COL28A1: variants seen among roughly 807,000 people sequenced by gnomAD.
The protein encoded by COL28A1 is collagen alpha-1(XXVIII) chain.
Under a neutral mutation model 150.2 loss-of-function variants are expected in COL28A1, and 161 were observed. The ratio of observed to expected loss-of-function variants is 1.07; its 90% CI spans 0.94 to 1.22. The LOEUF (loss-of-function observed/expected upper bound fraction) is 1.22, where lower values mean the gene tolerates loss of function less well. Among genes scored for constraint, COL28A1 ranks in the 50% most tolerant of loss-of-function variants. The pLI is 0.00. For synonymous variants in COL28A1, 552 were observed against 469.7 expected, an observed-to-expected ratio of 1.18 and a Z score of -2.26; for missense variants, 1,617 against 1,388.3, an observed-to-expected ratio of 1.16 and a Z score of -2.62.
intron 16 of COL28A1, among the ~76,000 whole-genome samples, chr7:7,454,263 T>C (rs543191834): frequency 6.6e-6 from 1 of 152,254 alleles, no homozygotes; most frequent in South Asian, 2.1e-4. Flanking sequence ...GGGAAAACAT[T>C]CATTTTTATG....
At chr7:7,494,355 C>A (rs993519036) in intron 11 of COL28A1, among the ~76,000 whole-genome samples, 1 of 152,102 alleles carries the variant, frequency 6.6e-6, no homozygotes, top group Non-Finnish European at 1.5e-5. Context: ...CCACACCTAG[C>A]CCTTCATGCA....
intron 13 of COL28A1, among the ~76,000 whole-genome samples, chr7:7,485,248 T>G (rs1583481194): frequency 6.6e-6 from 1 of 152,164 alleles, no homozygotes; most frequent in African/African-American, 2.4e-5. Context: ...AAGTTGTGCA[T>G]GTGTGTGTAT....
At chr7:7,455,174 T>C (rs1028361936) in intron 16 of COL28A1, among the ~76,000 whole-genome samples, 4 of 152,172 alleles carry the variant, frequency 2.6e-5, no homozygotes, top group Non-Finnish European at 5.9e-5. Context: ...CTTTAAGCAA[T>C]AGAATAATTC....
At chr7:7,390,226 C>T (rs1007148158) in intron 27 of COL28A1, among the ~76,000 whole-genome samples, 2 of 152,078 alleles carry the variant, frequency 1.3e-5, no homozygotes, top group Non-Finnish European at 2.9e-5. Context: ...TGTCAAAGGC[C>T]TTTTCTGCAT....
intron 11 of COL28A1, among the ~76,000 whole-genome samples, chr7:7,501,836 A>T (rs1174980268): frequency 6.6e-6 from 1 of 152,160 alleles, no homozygotes; most frequent in Non-Finnish European, 1.5e-5. Context: ...TCTCAGGGAT[A>T]AGGCTTCTTG....
rs138705463 is a variant in COL28A1 at position 7,488,059 on chromosome 7, C to T, written c.1164+1330G>A. ...GCCATTTTAGCACTCCATCTGACTT[C>T]AAGTTATAAAGAACTCTCATGTCAA... On this transcript the variant is annotated intron_variant, in intron 13 of 34. Transcript: ENST00000399429. Among the ~76,000 whole-genome samples, 17 of 152,292 alleles carry T rather than the reference C, an allele frequency of 1.1e-4. No homozygotes were observed. In the East Asian group the frequency reaches 2.5e-3, roughly 22 times the overall value.
intron 34 of COL28A1, among the ~76,000 whole-genome samples, chr7:7,359,393 G>T (rs16877721): frequency 0.093 from 14,178 of 151,924 alleles, 2,254 homozygotes; most frequent in African/African-American, 0.33. Context: ...ACTTTCTAAC[G>T]TCATATTGTC....
At chr7:7,394,225 T>C (rs1245637894) in intron 27 of COL28A1, among the ~76,000 whole-genome samples, 1 of 152,056 alleles carries the variant, frequency 6.6e-6, no homozygotes, top group East Asian at 1.9e-4. Context: ...GGTGAGGCAA[T>C]GCCCCACCCT....
chr7:7,377,983 G>T (rs1240492376), intron 30 of COL28A1, among the ~76,000 whole-genome samples: 1 of 152,096 alleles, frequency 6.6e-6, no homozygotes, highest in Non-Finnish European at 1.5e-5. Context: ...CATACTCTGA[G>T]AGAGGCAGGA....
chr7:7,490,115 C>G (rs1005511712), intron 12 of COL28A1, among the ~76,000 whole-genome samples: 2 of 152,192 alleles, frequency 1.3e-5, no homozygotes, highest in African/African-American at 4.8e-5. Flanking sequence ...TACAGCCTCA[C>G]AGGATGGACG....
intron 21 of COL28A1, 118 bp from the exon 22 acceptor site, chr7:7,437,580 T>A: frequency 3.7e-6 from 5 of 1,364,798 alleles, no homozygotes; most frequent in Non-Finnish European, 4.7e-6. Context: ...CCTCTATCTG[T>A]TTCAAAGACC....
chr7:7,531,949 T>C, intron 2 of COL28A1, 45 bp from the exon 3 acceptor site: 2 of 1,226,502 alleles, frequency 1.6e-6, no homozygotes, highest in Non-Finnish European at 2.3e-6. Flanking sequence ...ATTCCTATCA[T>C]GAAACAAATT....
chr7:7,436,312 A>G, intron 23 of COL28A1, 83 bp downstream of exon 23: 1 of 830,994 alleles, frequency 1.2e-6, no homozygotes, highest in Non-Finnish European at 2.1e-6. Flanking sequence ...AAACCTCACA[A>G]GTAGAAAAAT....
In COL28A1 at chr7:7,510,016, T is replaced by C. The variant is rs571442900; in HGVS notation, c.927+1075A>G. Among the ~76,000 whole-genome samples the C allele has an allele frequency of 1.1e-4, 16 of 152,304 alleles. No individual in the cohort carries two copies. In the East Asian group the frequency reaches 3.1e-3, roughly 29 times the overall value. On this transcript the variant is annotated intron_variant, in intron 9 of 34. Coordinates refer to ENST00000399429, the MANE Select transcript of COL28A1 (RefSeq NM_001037763.3). ...GTTTAGTTTCATGGGCCAAAGTCAT[T>C]ATCTCACCCTCTTCTCCTAACCTTC...
chr7:7,437,651 C>T (rs1472825332), intron 21 of COL28A1, among the ~76,000 whole-genome samples, 189 bp from the exon 22 acceptor site: 1 of 152,176 alleles, frequency 6.6e-6, no homozygotes, highest in Non-Finnish European at 1.5e-5. Flanking sequence ...AGTAAGATTT[C>T]AGTGCTTTTA....
chr7:7,493,661 T>C (rs1014698098), intron 11 of COL28A1, among the ~76,000 whole-genome samples: 4 of 152,206 alleles, frequency 2.6e-5, no homozygotes, highest in Non-Finnish European at 5.9e-5. Flanking sequence ...TTTATTCCCT[T>C]CCCATTTCCC....
chr7:7,365,360 C>G (rs1780881021), intron 33 of COL28A1, among the ~76,000 whole-genome samples: 1 of 152,192 alleles, frequency 6.6e-6, no homozygotes, highest in South Asian at 2.1e-4. Flanking sequence ...CAGCTCTAAG[C>G]AGGGACACCA....
At chr7:7,431,412 C>T (rs575411459) in intron 25 of COL28A1, 7 of 404,770 alleles carry the variant, frequency 1.7e-5, no homozygotes, top group Admixed American at 2.9e-5. Context: ...AAGTGATACA[C>T]GCTACATGGA....
intron 27 of COL28A1, among the ~76,000 whole-genome samples, chr7:7,401,131 T>C (rs957486705): frequency 1.3e-5 from 2 of 152,044 alleles, no homozygotes; most frequent in African/African-American, 4.8e-5. Context: ...CTGTGAAATA[T>C]TTCCTCACGT....
Sources: gnomAD v4.1 joint callset for allele counts (sites outside exome capture counted in the v4.1 genomes callset) on GRCh38, gnomAD v4.1.1 for gene constraint, MANE v1.5 for transcripts, NCBI Gene and HGNC (gene_info 2026-07-23, HGNC 2026-07-21) for gene names.